The following PHACTR1 variants were observed in gnomAD, a reference collection of about 807,000 sequenced individuals.
PHACTR1 encodes RPEL repeat containing 1.
In PHACTR1, 16 loss-of-function variants were observed where a neutral mutation model predicts 69.2. The observed-to-expected ratio is 0.23, with a 90% CI of 0.16 to 0.35. The LOEUF is 0.35. PHACTR1 is among the 10% of genes least tolerant of loss of function. The pLI, the probability that PHACTR1 is intolerant of heterozygous loss-of-function variation, is 1.00. For missense variants in PHACTR1, 510 were observed against 734.7 expected (o/e 0.69, Z 3.54); for synonymous variants, 312 against 284.5 (o/e 1.10, Z -0.97).
intron 4 of PHACTR1, among the ~76,000 whole-genome samples, chr6:12,780,616 G>T (rs1218204129): frequency 6.6e-6 from 1 of 152,126 alleles, no homozygotes; most frequent in African/African-American, 2.4e-5. Flanking sequence ...TCTCTCATTT[G>T]CATGCATAAT....
At chr6:13,044,585 A>T (rs1250503367) in intron 4 of PHACTR1, among the ~76,000 whole-genome samples, 1 of 152,060 alleles carries the variant, frequency 6.6e-6, no homozygotes, top group Non-Finnish European at 1.5e-5. Context: ...GAACTTCCTG[A>T]ACCACCCAGA....
At chr6:12,976,943 A>G (rs1794948170) in intron 4 of PHACTR1, among the ~76,000 whole-genome samples, 1 of 152,228 alleles carries the variant, frequency 6.6e-6, no homozygotes, top group African/African-American at 2.4e-5. Flanking sequence ...AAAACATAGT[A>G]TGTATAGGGT....
intron 5 of PHACTR1, among the ~76,000 whole-genome samples, chr6:13,135,354 C>T (rs1168697737): frequency 6.6e-6 from 1 of 152,164 alleles, no homozygotes. Context: ...GAGCCCTGTG[C>T]GTCCCCAGCT....
chr6:12,789,399 A>G (rs1160491282), intron 4 of PHACTR1, among the ~76,000 whole-genome samples: 1 of 151,942 alleles, frequency 6.6e-6, no homozygotes, highest in African/African-American at 2.4e-5. Context: ...TTTTTTTAAC[A>G]TTGGAGTATC....
At chr6:12,921,820 G>GGGAA (rs1224741202) in intron 4 of PHACTR1, among the ~76,000 whole-genome samples, 1 of 8,338 alleles carries the variant, frequency 1.2e-4, no homozygotes, top group African/African-American at 2.4e-4. Context: ...GGGAGCAAGG[G>GGGAA]GGAAGGAAGG....
At chr6:13,132,650 T>G (rs1045350727) in intron 5 of PHACTR1, among the ~76,000 whole-genome samples, 1 of 152,032 alleles carries the variant, frequency 6.6e-6, no homozygotes, top group Non-Finnish European at 1.5e-5. Flanking sequence ...GTAACAGTTA[T>G]GTTTATGCTA....
chr6:12,760,832 C>T (rs1767946301), intron 4 of PHACTR1, among the ~76,000 whole-genome samples: 2 of 152,290 alleles, frequency 1.3e-5, no homozygotes, highest in South Asian at 4.1e-4. Flanking sequence ...ACTCGGGAGG[C>T]TGAGGCAGGA....
intron 7 of PHACTR1, among the ~76,000 whole-genome samples, chr6:13,203,570 ACT>A (rs1200496766): frequency 2.0e-5 from 3 of 151,944 alleles, no homozygotes; most frequent in African/African-American, 4.8e-5. Context: ...CCACGTTCCC[ACT>A]CTCTTTCCAC....
chr6:12,758,033 AC>A lies in PHACTR1; in HGVS notation c.250+8246del, dbSNP rs375536519. Among the ~76,000 whole-genome samples, 215 of 152,038 alleles carry A rather than the reference AC, an allele frequency of 1.4e-3. 1 individual carries two copies. Among genetic ancestry groups the A allele is most frequent in the African/African-American group, 4.2e-3 (173 of 41,486 alleles). On this transcript the variant is annotated intron_variant, in intron 4 of 14. Transcript: ENST00000332995. ...AGGCTGAGGCAGGATAATTGCTTGA[AC>A]CCGAGAGGCGGAGGTTACAGTGAGC...
At position 13,190,367 on chromosome 6, in the gene PHACTR1, T is replaced by G. The variant is rs145644523; in HGVS notation, c.664+7681T>G. On this transcript the variant is annotated intron_variant, in intron 7 of 14. Coordinates refer to ENST00000332995, the MANE Select transcript of PHACTR1 (RefSeq NM_030948.6). ...TCTTCTTATAAGGACATTAATCTTA[T>G]CATATTAGGGTTCCATCTTCATTGC... is the stretch of plus-strand genomic sequence containing the variant. Among the ~76,000 whole-genome samples the G allele has an allele frequency of 5.1e-3, 781 of 152,020 alleles. 9 individuals carry two copies. Among genetic ancestry groups the G allele is most frequent in the South Asian group, 0.038 (184 of 4,814 alleles).
At chr6:12,775,548 G>A (rs1769955596) in intron 4 of PHACTR1, among the ~76,000 whole-genome samples, 1 of 152,160 alleles carries the variant, frequency 6.6e-6, no homozygotes, top group Non-Finnish European at 1.5e-5. Context: ...ATTTGTGATT[G>A]CCAAGAAACA....
At position 13,249,388 on chromosome 6, in the gene PHACTR1, A is replaced by AT. The variant is rs374568887; in HGVS notation, c.1391+19197dup. Among the ~76,000 whole-genome samples the AT allele has an allele frequency of 6.0e-3, 912 of 152,238 alleles. 15 individuals are homozygous for AT. Among genetic ancestry groups the AT allele is most frequent in the African/African-American group, 0.021 (861 of 41,542 alleles). ...CCCCCAAACCCCCATCCATAGAAAA[A>AT]TTGTCTTCCATGAAACCAGTCCCTG... On this transcript the variant is annotated intron_variant, in intron 10 of 14. Transcript: ENST00000332995.
chr6:12,758,784 A>G (rs1767672101), intron 4 of PHACTR1, among the ~76,000 whole-genome samples: 1 of 152,110 alleles, frequency 6.6e-6, no homozygotes, highest in African/African-American at 2.4e-5. Context: ...TTGCTAAAGG[A>G]AAGAAGAGAT....
intron 6 of PHACTR1, among the ~76,000 whole-genome samples, chr6:13,173,554 T>C (rs1447550330): frequency 6.6e-6 from 1 of 152,242 alleles, no homozygotes; most frequent in African/African-American, 2.4e-5. Context: ...AGGAAATCCT[T>C]AGATAAATTA....
chr6:12,860,093 G>C (rs755399885), intron 4 of PHACTR1, among the ~76,000 whole-genome samples: 2 of 151,878 alleles, frequency 1.3e-5, no homozygotes, highest in Non-Finnish European at 2.9e-5. Flanking sequence ...ATCGTGGTTT[G>C]CTACACCCAT....
chr6:13,065,132 C>T (rs540199330), intron 5 of PHACTR1, among the ~76,000 whole-genome samples: 6 of 152,272 alleles, frequency 3.9e-5, no homozygotes, highest in African/African-American at 1.4e-4. Context: ...AGATGGAGGG[C>T]TCCTTGGGTA....
At chr6:13,150,860 A>G (rs543701183) in intron 5 of PHACTR1, among the ~76,000 whole-genome samples, 5 of 152,258 alleles carry the variant, frequency 3.3e-5, no homozygotes, top group African/African-American at 4.8e-5. Flanking sequence ...ATAAATGTGG[A>G]TTGATTGTTT....
chr6:13,268,563 T>C (rs1222280475), intron 10 of PHACTR1, among the ~76,000 whole-genome samples: 2 of 152,216 alleles, frequency 1.3e-5, no homozygotes, highest in Non-Finnish European at 2.9e-5. Context: ...ATTATAGGCA[T>C]TAAATCAGCC....
chr6:13,251,685 CCTCT>C (rs1474941859), intron 10 of PHACTR1, among the ~76,000 whole-genome samples: 1 of 152,162 alleles, frequency 6.6e-6, no homozygotes, highest in Non-Finnish European at 1.5e-5. Context: ...CTAAATTCAG[CCTCT>C]CTTTGAGTCT....
Sources: allele counts gnomAD v4.1 joint callset (sites outside exome capture counted in the v4.1 genomes callset), GRCh38; gene constraint gnomAD v4.1.1; transcripts MANE v1.5; gene names NCBI Gene and HGNC (gene_info 2026-07-23, HGNC 2026-07-21).